The following PBX3 variants were observed in gnomAD, a reference collection of about 807,000 sequenced individuals.
The protein encoded by PBX3 is PBX homeobox 3.
Under a neutral mutation model 48.5 loss-of-function variants are expected in PBX3, and 14 were observed. The ratio of observed to expected loss-of-function variants is 0.29; its 90% CI spans 0.19 to 0.45. PBX3 has a LOEUF of 0.45. Ranked by LOEUF, PBX3 falls within the 20% of genes least tolerant of loss-of-function variation. The probability of loss-of-function intolerance (pLI) is 1.00; values close to 1 mark genes in which losing one functional copy is unlikely to be tolerated. For missense variants in PBX3, 386 were observed against 546.7 expected (o/e 0.71, Z 2.93); for synonymous variants, 210 against 200.3 (o/e 1.05, Z -0.41).
At chr9:125,954,517 T>C (rs1004616427) in intron 5 of PBX3, among the ~76,000 whole-genome samples, 1 of 152,176 alleles carries the variant, frequency 6.6e-6, no homozygotes, top group Non-Finnish European at 1.5e-5. Flanking sequence ...AATTTTAGAC[T>C]TGAAGAGCAA....
intron 5 of PBX3, among the ~76,000 whole-genome samples, chr9:125,957,978 G>T (rs988246576): frequency 6.6e-6 from 1 of 152,186 alleles, no homozygotes. Flanking sequence ...GGAAACATGA[G>T]GTAAGGTCAA....
At chr9:125,792,048 A>G (rs1366930427) in intron 2 of PBX3, among the ~76,000 whole-genome samples, 1 of 113,192 alleles carries the variant, frequency 8.8e-6, no homozygotes, top group East Asian at 2.3e-4. Context: ...ACACACACGC[A>G]CGCACGCACG....
chr9:125,753,064 CA>C (rs1836418255), intron 2 of PBX3, among the ~76,000 whole-genome samples: 1 of 152,108 alleles, frequency 6.6e-6, no homozygotes, highest in African/African-American at 2.4e-5. Flanking sequence ...AATACTTGGC[CA>C]GTCGTGTTTT....
chr9:125,876,273 A>G (rs1840245424), intron 2 of PBX3, among the ~76,000 whole-genome samples: 1 of 152,176 alleles, frequency 6.6e-6, no homozygotes, highest in African/African-American at 2.4e-5. Flanking sequence ...AGAATATAAC[A>G]ATATTATTTT....
rs112886873 is a variant in PBX3 at position 125,785,106 on chromosome 9, CCT to C, written c.274+36484_274+36485del. On this transcript the variant is annotated intron_variant, in intron 2 of 8. Transcript: ENST00000373489. ...CTTATAATGTTTTGGAAGAATATCC[CCT>C]GTTTTTCTGCCCTGAGTGAGATCTG... Among the ~76,000 whole-genome samples, 1,135 of 152,254 alleles carry C rather than the reference CCT, an allele frequency of 7.5e-3. 16 individuals carry two copies. Among genetic ancestry groups the C allele is most frequent in the African/African-American group, 0.026 (1,075 of 41,532 alleles).
At chr9:125,950,289 G>A (rs1233046214) in intron 5 of PBX3, among the ~76,000 whole-genome samples, 2 of 152,132 alleles carry the variant, frequency 1.3e-5, no homozygotes, top group Admixed American at 6.5e-5. Context: ...TGAACTGTAA[G>A]GGCGTCAGCA....
At chr9:125,872,745 G>GT (rs1840156451) in intron 2 of PBX3, among the ~76,000 whole-genome samples, 1 of 151,792 alleles carries the variant, frequency 6.6e-6, no homozygotes, top group Non-Finnish European at 1.5e-5. Flanking sequence ...AGGTGAAAGA[G>GT]TGAGATCTCG....
chr9:125,915,644 C>G (rs368894362), intron 2 of PBX3, 42 bp from the exon 3 acceptor site: 2 of 1,495,054 alleles, frequency 1.3e-6, no homozygotes, highest in Middle Eastern at 2.2e-4. Context: ...TCCTCTGTTT[C>G]TCGCTTCTTC....
At chr9:125,963,186 C>T (rs1161409322) in intron 8 of PBX3, 85 bp downstream of exon 8, 41 of 653,934 alleles carry the variant, frequency 6.3e-5, no homozygotes, top group Non-Finnish European at 7.2e-5. Flanking sequence ...TTTGACCTGG[C>T]TTCTCATCTT....
At chr9:125,945,781 G>A (rs79384960) in intron 5 of PBX3, among the ~76,000 whole-genome samples, 1,728 of 152,284 alleles carry the variant, frequency 0.011, 37 homozygotes, top group African/African-American at 0.04. Flanking sequence ...CTTCAGATCT[G>A]TTGGGAAATG....
rs1333878330 is a variant in PBX3 at position 125,966,796 on chromosome 9, T to G, written c.*873T>G. On this transcript the variant is annotated 3_prime_UTR_variant, in exon 9 of 9. Transcript: ENST00000373489. ...CCTCATGCGAACTCATACAAACCAA[T>G]AGAATTTCAACATGTTCTGTAGCTT... 1 of 152,658 alleles carries G rather than the reference T, an allele frequency of 6.6e-6. No homozygotes were observed. The highest frequency in any genetic ancestry group is 1.9e-4 in the East Asian group (1 of 5,200). The allele number at this position is 152,658 out of a possible 1,614,324, so 9.5% of individuals were successfully genotyped here.
At chr9:125,893,818 G>T (rs1220042255) in intron 2 of PBX3, among the ~76,000 whole-genome samples, 1 of 152,146 alleles carries the variant, frequency 6.6e-6, no homozygotes, top group Non-Finnish European at 1.5e-5. Flanking sequence ...CAGTGTATCT[G>T]TATTTCAGAT....
At chr9:125,916,630 A>G (rs1166128770) in intron 3 of PBX3, among the ~76,000 whole-genome samples, 1 of 152,250 alleles carries the variant, frequency 6.6e-6, no homozygotes, top group African/African-American at 2.4e-5. Context: ...CTGCTAGTTT[A>G]ACTATAAAAT....
Position 125,747,654 on chromosome 9 carries a change from G to A in PBX3, c.200+1G>A. On this transcript the variant is annotated splice_donor_variant, in intron 1 of 8. Transcript: ENST00000373489. LOFTEE classifies it high-confidence loss of function. ...AGAGCTTGGACGAGGCGCAAGCAAA[G>A]TTGGTGTCGTCTCATTAAGCATCTT... is the stretch of plus-strand genomic sequence containing the variant. The A allele has an allele frequency of 6.3e-7, 1 of 1,584,932 alleles. No homozygotes were observed. The highest frequency in any genetic ancestry group is 8.6e-7 in the Non-Finnish European group (1 of 1,165,876).
intron 3 of PBX3, 129 bp downstream of exon 3, chr9:125,916,056 C>A (rs1030219296): frequency 3.5e-5 from 46 of 1,311,962 alleles, no homozygotes; most frequent in Non-Finnish European, 4.5e-5. Context: ...AAGGTCAGTG[C>A]AAAAATCCAA....
intron 2 of PBX3, among the ~76,000 whole-genome samples, chr9:125,851,698 A>T (rs1175567300): frequency 6.6e-6 from 1 of 152,048 alleles, no homozygotes; most frequent in African/African-American, 2.4e-5. Context: ...TATACTAAGT[A>T]ATGTTTTGTC....
At chr9:125,772,902 C>T (rs1286767230) in intron 2 of PBX3, among the ~76,000 whole-genome samples, 2 of 152,172 alleles carry the variant, frequency 1.3e-5, no homozygotes, top group African/African-American at 4.8e-5. Context: ...ACCATCTCTA[C>T]CTATTCTCCC....
chr9:125,928,480 C>T (rs1171051034), intron 3 of PBX3, among the ~76,000 whole-genome samples: 2 of 144,488 alleles, frequency 1.4e-5, no homozygotes, highest in African/African-American at 2.6e-5. Context: ...TTTTTTGAGA[C>T]AGAATCTTGG....
intron 2 of PBX3, among the ~76,000 whole-genome samples, chr9:125,907,900 A>G (rs1411350): frequency 0.66 from 100,957 of 151,960 alleles, 34,011 homozygotes; most frequent in East Asian, 0.76. Context: ...TGGTTTTCTC[A>G]TCTACAAATG....
Sources: gnomAD v4.1 joint callset for allele counts (sites outside exome capture counted in the v4.1 genomes callset) on GRCh38, gnomAD v4.1.1 for gene constraint, MANE v1.5 for transcripts, NCBI Gene and HGNC (gene_info 2026-07-23, HGNC 2026-07-21) for gene names.